Variants in VTCN1 observed in about 807,000 individuals in gnomAD.
The protein encoded by VTCN1 is V-set domain containing T cell activation inhibitor 1.
Under a neutral mutation model 26.5 loss-of-function variants are expected in VTCN1, and 26 were observed. The observed-to-expected ratio is 0.98, with a 90% CI of 0.72 to 1.36. The LOEUF (loss-of-function observed/expected upper bound fraction) is 1.36, where lower values mean the gene tolerates loss of function less well. Ranked by LOEUF, VTCN1 falls within the 40% of genes most tolerant of loss-of-function variation. VTCN1 has a pLI of 0.00. For missense variants in VTCN1, 298 were observed against 337.7 expected (o/e 0.88, Z 0.92); for synonymous variants, 116 against 130.7 (o/e 0.89, Z 0.77).
chr1:117,185,103 A>C (rs138200696), intron 1 of VTCN1, among the ~76,000 whole-genome samples: 1,769 of 152,122 alleles, frequency 0.012, 19 homozygotes, highest in South Asian at 0.06. Flanking sequence ...TATATTTATA[A>C]TGTTTCTTAG....
At chr1:117,194,158 T>C (rs900904850) in intron 1 of VTCN1, among the ~76,000 whole-genome samples, 1 of 152,148 alleles carries the variant, frequency 6.6e-6, no homozygotes, top group Admixed American at 6.6e-5. Flanking sequence ...AAGGAACTCA[T>C]ATAACTCAAT....
chr1:117,157,015 T>C, intron 2 of VTCN1, 94 bp from the exon 3 acceptor site: 2 of 1,601,952 alleles, frequency 1.2e-6, no homozygotes, highest in Non-Finnish European at 8.5e-7. Flanking sequence ...GAGACTTCTG[T>C]GATAAATTAA....
intron 1 of VTCN1, among the ~76,000 whole-genome samples, chr1:117,176,198 G>A (rs1241275680): frequency 1.3e-5 from 2 of 152,220 alleles, no homozygotes; most frequent in Non-Finnish European, 2.9e-5. Flanking sequence ...GCAACCCCAT[G>A]AGGTAAGTAC....
At position 117,183,972 on chromosome 1, in the gene VTCN1, T is replaced by C. The variant is rs1283437416; in HGVS notation, c.33-13801A>G. On this transcript the variant is annotated intron_variant, in intron 1 of 5. Transcript: ENST00000369458. The surrounding 1 kb of genome is among the most constrained non-coding windows in gnomAD (Gnocchi z 4.1). ...CCAAAAGCTTCTGTCTTCAGAGCCA[T>C]ACCAAACACCAGAGACAAAGCTAAG... Among the ~76,000 whole-genome samples the C allele has an allele frequency of 1.3e-5, 2 of 152,034 alleles. No individual in the cohort carries two copies. The highest frequency in any genetic ancestry group is 2.9e-5 in the Non-Finnish European group (2 of 68,006).
In VTCN1 at chr1:117,161,159, T is replaced by C. The variant is rs569939113; in HGVS notation, c.98-4238A>G. ...ACACAACACACCTCCATTCCCTGCATTGGTATTTTCTTGAACATTGATTTA... is the reference window on the plus strand; with the variant it reads ...ACACAACACACCTCCATTCCCTGCACTGGTATTTTCTTGAACATTGATTTA... On this transcript the variant is annotated intron_variant, in intron 2 of 5. Coordinates refer to ENST00000369458, the MANE Select transcript of VTCN1 (RefSeq NM_024626.4). The surrounding 1 kb of genome is among the most constrained non-coding windows in gnomAD (Gnocchi z 4.3). Among the ~76,000 whole-genome samples, 4 of 152,316 alleles carry C rather than the reference T, an allele frequency of 2.6e-5. No individual in the cohort carries two copies. Among genetic ancestry groups the C allele is most frequent in the African/African-American group, 4.8e-5 (2 of 41,582 alleles).
intron 4 of VTCN1, among the ~76,000 whole-genome samples, chr1:117,150,737 T>C (rs915221745): frequency 1.3e-5 from 2 of 152,208 alleles, no homozygotes; most frequent in Non-Finnish European, 2.9e-5. Flanking sequence ...ATTTTGCAAA[T>C]CTGAAACTCT....
rs117000061 is a variant in VTCN1 at position 117,210,876 on chromosome 1, G to T, written c.-21C>A. The T allele has an allele frequency of 1.0e-3, 1,667 of 1,613,900 alleles. 7 individuals carry two copies. Among genetic ancestry groups the T allele is most frequent in the East Asian group, 9.7e-3 (435 of 44,870 alleles). On this transcript the variant is annotated 5_prime_UTR_variant, in exon 1 of 6. Coordinates refer to ENST00000369458, the MANE Select transcript of VTCN1 (RefSeq NM_024626.4). ...GCCATGGCTGGGGAAGGTTCCCAGC[G>T]TATCTGGGTACTGGCTGAGTGGAGC... is the stretch of plus-strand genomic sequence containing the variant.
At chr1:117,170,233 C>A in intron 1 of VTCN1, 62 bp from the exon 2 acceptor site, 1 of 1,463,668 alleles carries the variant, frequency 6.8e-7, no homozygotes, top group South Asian at 1.1e-5. Context: ...TGCTGCTTTG[C>A]AACTGGGGTA....
chr1:117,163,217 A>G (rs1652459337), intron 2 of VTCN1, among the ~76,000 whole-genome samples: 1 of 152,232 alleles, frequency 6.6e-6, no homozygotes, highest in Non-Finnish European at 1.5e-5. Flanking sequence ...GCAGCAGAAC[A>G]TGGTGTTTGA....
At position 117,144,801 on chromosome 1, in the gene VTCN1, C is replaced by G. The variant is rs1651428052; in HGVS notation, c.*470G>C. 1 of 152,614 alleles carries G rather than the reference C, an allele frequency of 6.6e-6. No individual in the cohort carries two copies. Among genetic ancestry groups the G allele is most frequent in the African/African-American group, 2.4e-5 (1 of 41,442 alleles). 9.5% of individuals were successfully genotyped at this position (152,614 alleles called of 1,614,324 possible). A position where few individuals can be genotyped will look rare whatever the true frequency, so the allele number is the denominator to read the frequency against. The stretch of plus-strand genomic sequence containing the variant: ...AATTAGCAGCGTCTTAGGGTACATA[C>G]TACAGCTTAATTTGTGGAATATAAG... On this transcript the variant is annotated 3_prime_UTR_variant, in exon 6 of 6. Transcript: ENST00000369458.
At chr1:117,193,258 A>G (rs978700551) in intron 1 of VTCN1, among the ~76,000 whole-genome samples, 12 of 152,134 alleles carry the variant, frequency 7.9e-5, no homozygotes, top group African/African-American at 2.7e-4. Flanking sequence ...CTTACCTATC[A>G]ATAACTACTT....
chr1:117,159,765 A>G lies in VTCN1; in HGVS notation c.98-2844T>C, dbSNP rs1286221223. Among the ~76,000 whole-genome samples, 1 of 152,242 alleles carries G rather than the reference A, an allele frequency of 6.6e-6. No homozygotes were observed. Among genetic ancestry groups the G allele is most frequent in the African/African-American group, 2.4e-5 (1 of 41,466 alleles). On this transcript the variant is annotated intron_variant, in intron 2 of 5. Transcript: ENST00000369458. This position sits in a 1 kb window ranked among gnomAD's most constrained non-coding sequence, Gnocchi z 4.7. ...TAACTTTTATTTCTGTTTGAATGAC[A>G]TAGAAACTAAGGCAGTGAGAAAATA...
intron 3 of VTCN1, among the ~76,000 whole-genome samples, chr1:117,154,612 A>G (rs889271215): frequency 2.6e-5 from 4 of 151,942 alleles, no homozygotes; most frequent in African/African-American, 9.7e-5. Context: ...GAAGAAACCC[A>G]GTCTCTACTA....
At chr1:117,157,248 G>C (rs1279381938) in intron 2 of VTCN1, among the ~76,000 whole-genome samples, 1 of 151,970 alleles carries the variant, frequency 6.6e-6, no homozygotes, top group African/African-American at 2.4e-5. Context: ...CCTTCAGTAA[G>C]TCATGTAACC....
At position 117,160,720 on chromosome 1, in the gene VTCN1, TTTG is replaced by T. The variant is rs546904269; in HGVS notation, c.98-3802_98-3800del. ...AAAACATACAAACAAAGCAGACGTG[TTTG>T]TTGTTGTTGTTGTTGTTGTTTTAAT... On this transcript the variant is annotated intron_variant, in intron 2 of 5. Transcript: ENST00000369458. Among the ~76,000 whole-genome samples the T allele has an allele frequency of 1.4e-4, 21 of 152,220 alleles. No individual in the cohort carries two copies. In the East Asian group the frequency reaches 2.3e-3, roughly 17 times the overall value.
chr1:117,149,153 C>T (rs1188036412), intron 4 of VTCN1, among the ~76,000 whole-genome samples: 3 of 152,158 alleles, frequency 2.0e-5, no homozygotes, highest in Admixed American at 2.0e-4. Flanking sequence ...GTGTAGTGTT[C>T]TCCCCAAAAC....
At position 117,175,969 on chromosome 1, in the gene VTCN1, C is replaced by G. The variant is rs1433027221; in HGVS notation, c.33-5798G>C. On this transcript the variant is annotated intron_variant, in intron 1 of 5. Coordinates refer to ENST00000369458, the MANE Select transcript of VTCN1 (RefSeq NM_024626.4). This position sits in a 1 kb window ranked among gnomAD's most constrained non-coding sequence, Gnocchi z 4.2. Reference sequence around the variant, plus strand: ...ATTTTTAGTAGAGACAGGGTTTCACCATGTTGGCCAGGCTGGTCTTGAACT... The same window carrying G: ...ATTTTTAGTAGAGACAGGGTTTCACGATGTTGGCCAGGCTGGTCTTGAACT... Among the ~76,000 whole-genome samples, 2 of 151,996 alleles carry G rather than the reference C, an allele frequency of 1.3e-5. No individual in the cohort carries two copies. The highest frequency in any genetic ancestry group is 2.9e-5 in the Non-Finnish European group (2 of 68,010).
intron 4 of VTCN1, among the ~76,000 whole-genome samples, chr1:117,150,404 C>T (rs1383719202): frequency 6.6e-6 from 1 of 152,182 alleles, no homozygotes; most frequent in Non-Finnish European, 1.5e-5. Flanking sequence ...GTTCCTGGTT[C>T]CAGTTGATCC....
intron 1 of VTCN1, among the ~76,000 whole-genome samples, chr1:117,196,401 T>TAG (rs200919916): frequency 0.01 from 1,526 of 148,014 alleles, 24 homozygotes; most frequent in African/African-American, 0.036. Flanking sequence ...TATATATATA[T>TAG]ATAGAGAGAG....
Sources: allele counts gnomAD v4.1 joint callset (sites outside exome capture counted in the v4.1 genomes callset), GRCh38; gene constraint gnomAD v4.1.1; non-coding constraint Gnocchi (gnomAD v3.1); transcripts MANE v1.5; gene names NCBI Gene and HGNC (gene_info 2026-07-23, HGNC 2026-07-21).